The following GALNT1 variants were observed in gnomAD, a reference collection of about 807,000 sequenced individuals.
GALNT1 encodes the protein polypeptide N-acetylgalactosaminyltransferase 1.
GALNT1 carries 17 observed loss-of-function variants against 65.7 expected under a neutral mutation model. The ratio of observed to expected loss-of-function variants is 0.26; its 90% confidence interval spans 0.18 to 0.39. The LOEUF is 0.39. Ranked by LOEUF, GALNT1 falls within the 10% of genes least tolerant of loss-of-function variation. The pLI, the probability that GALNT1 is intolerant of heterozygous loss-of-function variation, is 1.00. For synonymous variants in GALNT1, 210 were observed against 219.7 expected, an observed-to-expected ratio of 0.96 and a Z score of 0.39; for missense variants, 460 against 672.8, an observed-to-expected ratio of 0.68 and a Z score of 3.50.
At chr18:35,631,673 T>A (rs2047012303) in intron 1 of GALNT1, among the ~76,000 whole-genome samples, 1 of 151,992 alleles carries the variant, frequency 6.6e-6, no homozygotes, top group Non-Finnish European at 1.5e-5. Flanking sequence ...CTCTCACCAC[T>A]CCTTTTCAAC....
intron 1 of GALNT1, among the ~76,000 whole-genome samples, chr18:35,619,018 A>G (rs572981312): frequency 6.6e-6 from 1 of 152,184 alleles, no homozygotes; most frequent in Non-Finnish European, 1.5e-5. Context: ...TAAGAGAGAA[A>G]CCAAGTTAGA....
In GALNT1 at chr18:35,683,450, A is replaced by G. The variant is rs1389318843; in HGVS notation, c.541A>G (p.Ile181Val). 1 of 1,613,716 alleles carries G rather than the reference A, an allele frequency of 6.2e-7. No individual in the cohort carries two copies. Among genetic ancestry groups the G allele is most frequent in the African/African-American group, 1.3e-5 (1 of 74,918 alleles). Residue 181 changes from isoleucine (I) to valine (V), a missense_variant, in exon 5 of 12, where the codon ATT becomes GTT. Transcript: ENST00000269195. The part of the protein sequence containing the change: ...VKKLKVPVHV[I>V]RMEQRSGLIR... Reference sequence around the variant, plus strand: ...AAAACTAAAAGTACCAGTTCATGTAATTCGAATGGAACAACGTTCTGGATT... The same window carrying G: ...AAAACTAAAAGTACCAGTTCATGTAGTTCGAATGGAACAACGTTCTGGATT...
At chr18:35,692,388 GGAGT>G (rs1392302133) in intron 9 of GALNT1, 68 bp downstream of exon 9, 6 of 1,031,554 alleles carry the variant, frequency 5.8e-6, no homozygotes, top group East Asian at 6.3e-5. Context: ...AAAAAAAATA[GGAGT>G]TAGTTAAACT....
intron 1 of GALNT1, among the ~76,000 whole-genome samples, chr18:35,601,767 A>C (rs2046585752): frequency 6.6e-6 from 1 of 152,228 alleles, no homozygotes; most frequent in Non-Finnish European, 1.5e-5. Flanking sequence ...TGTATTCTGC[A>C]GCAGTTACAT....
At chr18:35,601,048 A>AT (rs1256407799) in intron 1 of GALNT1, among the ~76,000 whole-genome samples, 1 of 152,144 alleles carries the variant, frequency 6.6e-6, no homozygotes, top group African/African-American at 2.4e-5. Context: ...GTTTGGTAGA[A>AT]TTCAGCAGTG....
intron 4 of GALNT1, among the ~76,000 whole-genome samples, chr18:35,681,994 CAT>C (rs1451872899): frequency 1.2e-4 from 19 of 152,100 alleles, no homozygotes; most frequent in African/African-American, 3.4e-4. Flanking sequence ...ACTAGCATTA[CAT>C]ATGTTAGCAT....
At chr18:35,618,306 A>T (rs901993461) in intron 1 of GALNT1, among the ~76,000 whole-genome samples, 1 of 152,156 alleles carries the variant, frequency 6.6e-6, no homozygotes, top group Non-Finnish European at 1.5e-5. Flanking sequence ...ATACATCTTT[A>T]AAAAATTTTA....
chr18:35,595,849 A>G (rs2046498522), intron 1 of GALNT1: 1 of 152,214 alleles, frequency 6.6e-6, no homozygotes, highest in Non-Finnish European at 1.5e-5. Flanking sequence ...TCTGGGCCAG[A>G]TGAGAGTTGC....
chr18:35,641,704 AAC>A (rs2047165986), intron 1 of GALNT1, among the ~76,000 whole-genome samples: 2 of 152,332 alleles, frequency 1.3e-5, no homozygotes, highest in South Asian at 4.1e-4. Context: ...TCAACGATAT[AAC>A]ACATCCACCA....
At chr18:35,677,271 T>A (rs2047724381) in intron 3 of GALNT1, among the ~76,000 whole-genome samples, 2 of 152,362 alleles carry the variant, frequency 1.3e-5, no homozygotes, top group South Asian at 4.1e-4. Context: ...GTCTTTGAAA[T>A]ACATTCAGTT....
chr18:35,687,799 A>C (rs781440954), intron 6 of GALNT1, among the ~76,000 whole-genome samples: 9 of 152,046 alleles, frequency 5.9e-5, no homozygotes, highest in Admixed American at 2.6e-4. Context: ...GAGACCTTTG[A>C]GCTCTTCTGA....
At chr18:35,678,395 A>C (rs941219219) in intron 4 of GALNT1, among the ~76,000 whole-genome samples, 1 of 152,176 alleles carries the variant, frequency 6.6e-6, no homozygotes, top group African/African-American at 2.4e-5. Flanking sequence ...AAAATCTCCC[A>C]AACTATTTCA....
chr18:35,701,999 C>T (rs765467311), intron 9 of GALNT1, among the ~76,000 whole-genome samples: 3 of 152,068 alleles, frequency 2.0e-5, no homozygotes, highest in African/African-American at 4.8e-5. Flanking sequence ...CTGACATTAC[C>T]CCCCCAGTTC....
chr18:35,676,643 A>C (rs2047714590), intron 3 of GALNT1, among the ~76,000 whole-genome samples: 1 of 152,164 alleles, frequency 6.6e-6, no homozygotes, highest in South Asian at 2.1e-4. Context: ...AGCTTGAGAG[A>C]GAGCAGGGAA....
rs1018742402 is a variant in GALNT1, at chr18:35,668,157, A to G, written c.314+4355A>G. Among the ~76,000 whole-genome samples the G allele has an allele frequency of 3.3e-5, 5 of 152,342 alleles. No individual in the cohort carries two copies. The South Asian group carries it at 1.0e-3, about 32-fold the overall frequency. On this transcript the variant is annotated intron_variant, in intron 3 of 11. Transcript: ENST00000269195. ...TCTTAAGAAATTAGAAAAGGAACACATTAAAGAGAATAAGTAGAAGGAAGA... is the reference window on the plus strand; with the variant it reads ...TCTTAAGAAATTAGAAAAGGAACACGTTAAAGAGAATAAGTAGAAGGAAGA...
intron 1 of GALNT1, among the ~76,000 whole-genome samples, chr18:35,583,889 C>A (rs974099929): frequency 6.6e-6 from 1 of 152,330 alleles, no homozygotes; most frequent in Admixed American, 6.5e-5. Context: ...CATGCCCTAT[C>A]CCTCTTTTAA....
At chr18:35,674,127 A>G (rs567691642) in intron 3 of GALNT1, among the ~76,000 whole-genome samples, 1 of 152,328 alleles carries the variant, frequency 6.6e-6, no homozygotes, top group East Asian at 1.9e-4. Context: ...CTTACCATGA[A>G]TGGAGCTTGC....
intron 1 of GALNT1, among the ~76,000 whole-genome samples, chr18:35,611,084 G>T (rs1395076214): frequency 6.6e-6 from 1 of 152,126 alleles, no homozygotes; most frequent in African/African-American, 2.4e-5. Context: ...TACATTTTCA[G>T]AACTGCTGCT....
chr18:35,663,932 A>G, intron 3 of GALNT1, 130 bp downstream of exon 3: 1 of 754,698 alleles, frequency 1.3e-6, no homozygotes, highest in Non-Finnish European at 2.2e-6. Flanking sequence ...TACCCCACTT[A>G]GAAAATAATT....
Sources: allele counts gnomAD v4.1 joint callset (sites outside exome capture counted in the v4.1 genomes callset), GRCh38; gene constraint gnomAD v4.1.1; transcripts MANE v1.5; gene names NCBI Gene and HGNC (gene_info 2026-07-23, HGNC 2026-07-21).